C15orf40: variants seen among roughly 807,000 people sequenced by gnomAD.
The protein encoded by C15orf40 is chromosome 15 open reading frame 40, also known as UPF0235 protein C15orf40.
In C15orf40, 9 loss-of-function variants were observed where a neutral mutation model predicts 13.9. That is an observed-to-expected ratio of 0.65 (90% confidence interval 0.39 to 1.13). C15orf40 has a LOEUF of 1.13. C15orf40 is among the 50% of genes most tolerant of loss of function. The pLI, the probability that C15orf40 is intolerant of heterozygous loss-of-function variation, is 0.01. For missense variants in C15orf40, 225 were observed against 188.5 expected, an observed-to-expected ratio of 1.19 and a Z score of -1.13; for synonymous variants, 95 against 69.2, an observed-to-expected ratio of 1.37 and a Z score of -1.85.
chr15:82,991,250 T>C (rs1217814468), downstream of C15orf40, among the ~76,000 whole-genome samples: 1 of 152,088 alleles, frequency 6.6e-6, no homozygotes, highest in African/African-American at 2.4e-5. Context: ...TATATATATT[T>C]AAAAAGGCGT....
In C15orf40 at chr15:83,002,974, G is replaced by A. The variant is rs2031481716; in HGVS notation, c.*2623C>T. On this transcript the variant is annotated 3_prime_UTR_variant, in exon 4 of 4. Transcript: ENST00000304177. Reference sequence around the variant, plus strand: ...TTACAAGCATCTGCCACTATGCCCAGGTAACTTTTGTATTTTTAGTAGAGA... The same window carrying A: ...TTACAAGCATCTGCCACTATGCCCAAGTAACTTTTGTATTTTTAGTAGAGA... 1 of 152,102 alleles carries A rather than the reference G, an allele frequency of 6.6e-6. No individual in the cohort carries two copies. The highest frequency in any genetic ancestry group is 2.1e-4 in the South Asian group (1 of 4,830). 9.4% of individuals were successfully genotyped at this position (152,102 alleles called of 1,614,324 possible).
chr15:83,010,118 C>T (rs2151293025), intron 2 of C15orf40, 119 bp downstream of exon 2: 1 of 1,352,994 alleles, frequency 7.4e-7, no homozygotes, highest in South Asian at 1.5e-5. Context: ...GGAGAAGCCT[C>T]TAACTGCAGA....
At chr15:82,990,238 C>A, downstream of C15orf40, 1 of 285,426 alleles carries the variant, frequency 3.5e-6, no homozygotes, top group Non-Finnish European at 5.7e-6. Flanking sequence ...GCGATGGTTG[C>A]TGGGAATACC....
At chr15:83,006,675 C>T (rs971141803) in intron 3 of C15orf40, among the ~76,000 whole-genome samples, 7 of 149,698 alleles carry the variant, frequency 4.7e-5, no homozygotes, top group Admixed American at 1.3e-4. Context: ...TCACTTGAAC[C>T]GGGGAGGGGC....
rs2031416053 is a variant in C15orf40, at chr15:83,001,507, G to A, written c.*4090C>T. 1 of 164,534 alleles carries A rather than the reference G, an allele frequency of 6.1e-6. No homozygotes were observed. The highest frequency in any genetic ancestry group is 1.3e-5 in the Non-Finnish European group (1 of 79,364). 10.2% of individuals were successfully genotyped at this position (164,534 alleles called of 1,614,324 possible). A position where few individuals can be genotyped will look rare whatever the true frequency, so the allele number is the denominator to read the frequency against. ...TCTCAGGACAGCACAGGACAAGAAA[G>A]ACAGTGTAATCAAGTCACTATAGAC... On this transcript the variant is annotated 3_prime_UTR_variant, in exon 4 of 4. Coordinates refer to ENST00000304177, the MANE Select transcript of C15orf40 (RefSeq NM_144597.3).
At chr15:83,006,897 C>T (rs1056939349) in intron 3 of C15orf40, among the ~76,000 whole-genome samples, 4 of 152,182 alleles carry the variant, frequency 2.6e-5, no homozygotes, top group Admixed American at 1.3e-4. Context: ...CAAACGTCAG[C>T]GCATGAGCAC....
At position 82,998,334 on chromosome 15, in the gene C15orf40, TG is replaced by T. The variant is rs1700429606; in HGVS notation, c.*7262del. ...GCGGAGACGCTCCTCACTTCCCAGA[TG>T]GGGTGGCTGCCGGGCGGAGAGGCTC... is the stretch of plus-strand genomic sequence containing the variant. On this transcript the variant is annotated 3_prime_UTR_variant, in exon 4 of 4. Coordinates refer to ENST00000304177, the MANE Select transcript of C15orf40 (RefSeq NM_144597.3). The T allele has an allele frequency of 7.9e-6, 1 of 125,984 alleles. No individual in the cohort carries two copies. Among genetic ancestry groups the T allele is most frequent in the African/African-American group, 3.1e-5 (1 of 31,786 alleles). The allele number at this position is 125,984 out of a possible 1,614,324, so 7.8% of individuals were successfully genotyped here.
chr15:82,989,499 A>T (rs565005808), downstream of C15orf40, among the ~76,000 whole-genome samples: 54 of 152,366 alleles, frequency 3.5e-4, 1 homozygote, highest in Non-Finnish European at 3.4e-4. Context: ...AATTCCATAA[A>T]GAAAACATTG....
chr15:82,990,894 A>G (rs2030831348), downstream of C15orf40: 1 of 436,150 alleles, frequency 2.3e-6, no homozygotes, highest in Non-Finnish European at 4.1e-6. Flanking sequence ...TTACAATGTT[A>G]TATTCACTTC....
At chr15:83,008,903 C>T (rs1471146955) in intron 2 of C15orf40, among the ~76,000 whole-genome samples, 9 of 152,138 alleles carry the variant, frequency 5.9e-5, no homozygotes, top group Non-Finnish European at 1.3e-4. Flanking sequence ...GTTATTGACC[C>T]AATCTTGCCG....
intron 1 of C15orf40, 95 bp downstream of exon 1, chr15:83,011,402 G>A: frequency 7.5e-7 from 1 of 1,337,142 alleles, no homozygotes; most frequent in African/African-American, 1.5e-5. Flanking sequence ...GCCGCTGGCA[G>A]TGCCTCCACT....
intron 3 of C15orf40, among the ~76,000 whole-genome samples, 194 bp from the exon 4 acceptor site, chr15:83,005,886 C>T (rs2031652758): frequency 6.6e-6 from 1 of 152,130 alleles, no homozygotes; most frequent in South Asian, 2.1e-4. Context: ...AACAACTCTC[C>T]AGGGTTTTTA....
chr15:82,990,845 G>C, downstream of C15orf40: 1 of 502,764 alleles, frequency 2.0e-6, no homozygotes. Context: ...GCTGCATTTT[G>C]ATGGTTCTTA....
rs1256271627 is a variant in C15orf40, at chr15:82,996,106, T to C, written c.*9491A>G. 2.0e-5 allele frequency: 3 copies of C among 152,252 alleles called. No homozygotes were observed. Among genetic ancestry groups the C allele is most frequent in the African/African-American group, 7.2e-5 (3 of 41,472 alleles). The allele number at this position is 152,252 out of a possible 1,614,324, so 9.4% of individuals were successfully genotyped here. ...TTCCCTCAGGGACACGAGAGCCCTA[T>C]GTATTAATTACCAGTTAGATTTTCT... On this transcript the variant is annotated 3_prime_UTR_variant, in exon 4 of 4. Coordinates refer to ENST00000304177, the MANE Select transcript of C15orf40 (RefSeq NM_144597.3).
chr15:83,009,574 T>G (rs571319056), intron 2 of C15orf40, among the ~76,000 whole-genome samples: 2 of 152,330 alleles, frequency 1.3e-5, no homozygotes, highest in Non-Finnish European at 2.9e-5. Context: ...GTTTTTGAAC[T>G]TTTTTTCCTT....
chr15:82,989,005 TAC>T, downstream of C15orf40: 3 of 1,592,112 alleles, frequency 1.9e-6, no homozygotes, highest in Non-Finnish European at 2.6e-6. Context: ...TTTAAAATTG[TAC>T]AGATTTTCAG....
At position 83,011,587 on chromosome 15, in the gene C15orf40, C is replaced by T. The variant is rs754774454; in HGVS notation, c.21G>A (p.Gly7=). Residue 7 remains glycine (G), a synonymous_variant, in exon 1 of 4, where the codon GGG becomes GGA. Transcript: ENST00000304177. The part of the protein sequence containing the change: MLRLRS[G]LRHLRATPNT... ...TGGGTGTTGCCCGAAGGTGCCTCAG[C>T]CCGCTGCGGAGCCGCAGCATCCCCG... The T allele has an allele frequency of 1.3e-6, 2 of 1,592,698 alleles. No individual in the cohort carries two copies. Among genetic ancestry groups the T allele is most frequent in the Non-Finnish European group, 1.7e-6 (2 of 1,173,628 alleles).
At chr15:82,989,859 CT>C (rs1175162985), downstream of C15orf40, 16 of 1,606,496 alleles carry the variant, frequency 1.0e-5, no homozygotes, top group African/African-American at 2.7e-5. Flanking sequence ...GTTTAAAGAT[CT>C]TTTTTGTTTT....
rs2151285597 is a variant in C15orf40, at chr15:83,004,886, A to T, written c.*711T>A. 2 of 1,304,456 alleles carry T rather than the reference A, an allele frequency of 1.5e-6. No individual in the cohort carries two copies. The highest frequency in any genetic ancestry group is 5.6e-5 in the East Asian group (1 of 18,012). The allele number at this position is 1,304,456 out of a possible 1,614,324, so 80.8% of individuals were successfully genotyped here. ...AGATATGATTTTTAATTTACAATCT[A>T]GAAAAACTGCATTCAACAAGTAGTC... is the stretch of plus-strand genomic sequence containing the variant. On this transcript the variant is annotated 3_prime_UTR_variant, in exon 4 of 4. Coordinates refer to ENST00000304177, the MANE Select transcript of C15orf40 (RefSeq NM_144597.3).
Sources: allele counts gnomAD v4.1 joint callset (sites outside exome capture counted in the v4.1 genomes callset), GRCh38; gene constraint gnomAD v4.1.1; transcripts MANE v1.5; gene names NCBI Gene and HGNC (gene_info 2026-07-23, HGNC 2026-07-21).